The following PWP1 variants were observed in gnomAD, a reference collection of about 807,000 sequenced individuals.
The protein encoded by PWP1 is PWP1 homolog, endonuclein, also known as periodic tryptophan protein 1 homolog.
A neutral mutation model predicts 69.9 loss-of-function variants in PWP1; 47 were observed. That is an observed-to-expected ratio of 0.67 (90% confidence interval 0.53 to 0.86). The LOEUF (loss-of-function observed/expected upper bound fraction) is 0.86, where lower values mean the gene tolerates loss of function less well. Ranked by LOEUF, PWP1 falls within the 40% of genes least tolerant of loss-of-function variation. The pLI, the probability that PWP1 is intolerant of heterozygous loss-of-function variation, is 0.00. For synonymous variants in PWP1, 222 were observed against 208.2 expected (o/e 1.07, Z -0.57); for missense variants, 551 against 608.8 (o/e 0.91, Z 1.00).
intron 6 of PWP1, 125 bp downstream of exon 6, chr12:107,696,709 A>AT: frequency 6.9e-7 from 1 of 1,439,120 alleles, no homozygotes; most frequent in Non-Finnish European, 9.3e-7. Context: ...AGTTACTGTT[A>AT]TTTTATGAAG....
rs1376610749 is a variant in PWP1 at position 107,699,351 on chromosome 12, A to G, written c.745-22A>G. 2.5e-6 allele frequency: 4 copies of G among 1,590,398 alleles called. No individual in the cohort carries two copies. In the South Asian group the frequency reaches 3.4e-5, roughly 13 times the overall value. ...TATGAGGGGGACTTTAATACAAAAA[A>G]TAATTAAAACAATTATTACAGAGTT... On this transcript the variant is annotated intron_variant, in intron 7 of 14. Transcript: ENST00000412830.
chr12:107,689,676 G>T (rs1889443288), intron 3 of PWP1, among the ~76,000 whole-genome samples: 1 of 152,182 alleles, frequency 6.6e-6, no homozygotes. Context: ...AACCTGGGAG[G>T]CGGAGGTTGC....
chr12:107,688,862 G>A (rs1889427950), intron 3 of PWP1, 60 bp downstream of exon 3: 19 of 1,500,954 alleles, frequency 1.3e-5, no homozygotes, highest in Admixed American at 5.8e-5. Flanking sequence ...GATCATGTTT[G>A]TGGTGTTCCA....
chr12:107,688,601 T>C lies in PWP1; in HGVS notation c.132-14T>C. ...AGCATTTGGGTGATTCTCTTTTTCT[T>C]TCTGTGCTCATAGAGAAGAAGGTGG... On this transcript the variant is annotated splice_polypyrimidine_tract_variant and intron_variant, in intron 2 of 14. Transcript: ENST00000412830. 6.2e-7 allele frequency: 1 copy of C among 1,612,374 alleles called. No homozygotes were observed. Among genetic ancestry groups the C allele is most frequent in the Non-Finnish European group, 8.5e-7 (1 of 1,178,608 alleles).
chr12:107,695,135 G>A (rs904390285), intron 5 of PWP1, among the ~76,000 whole-genome samples: 13 of 151,644 alleles, frequency 8.6e-5, no homozygotes, highest in East Asian at 3.9e-4. Flanking sequence ...GCGTGGTGGC[G>A]GGCGCCTGTA....
intron 3 of PWP1, among the ~76,000 whole-genome samples, chr12:107,690,996 G>A (rs1450481991): frequency 6.6e-6 from 1 of 152,198 alleles, no homozygotes; most frequent in Non-Finnish European, 1.5e-5. Context: ...ACAACAGACA[G>A]GCAATGAGAA....
intron 1 of PWP1, among the ~76,000 whole-genome samples, chr12:107,687,438 C>T (rs1415703585): frequency 6.6e-6 from 1 of 152,174 alleles, no homozygotes; most frequent in Admixed American, 6.5e-5. Flanking sequence ...GTTTATGTCC[C>T]ACTCCCAAGT....
chr12:107,695,265 C>CAA (rs564258184), intron 5 of PWP1, among the ~76,000 whole-genome samples: 8 of 141,930 alleles, frequency 5.6e-5, no homozygotes, highest in African/African-American at 1.8e-4. Context: ...GACTCCATCT[C>CAA]AAAAAAAAAA....
At chr12:107,706,470 A>G (rs1380194863) in intron 11 of PWP1, among the ~76,000 whole-genome samples, 2 of 152,226 alleles carry the variant, frequency 1.3e-5, no homozygotes, top group African/African-American at 4.8e-5. Flanking sequence ...GTCCTTGTCC[A>G]TGCCTATGTC....
Position 107,709,133 on chromosome 12 carries a change from C to G in PWP1, c.1191C>G (p.Ile397Met). Residue 397 changes from isoleucine (I) to methionine (M), a missense_variant, in exon 13 of 15, where the codon ATC becomes ATG. Coordinates refer to ENST00000412830, the MANE Select transcript of PWP1 (RefSeq NM_007062.3). Reference sequence around the variant, plus strand: ...TAGGTCTTGATCTTAGCAGTCAAATCAAGGGCTGTCTCGTGACTGCTTCAG... The same window carrying G: ...TAGGTCTTGATCTTAGCAGTCAAATGAAGGGCTGTCTCGTGACTGCTTCAG... ...EISGLDLSSQ[I>M]KGCLVTASAD... 2 of 1,613,942 alleles carry G rather than the reference C, an allele frequency of 1.2e-6. No homozygotes were observed. Among genetic ancestry groups the G allele is most frequent in the South Asian group, 1.1e-5 (1 of 91,076 alleles).
Position 107,709,159 on chromosome 12 carries a change from C to G in PWP1, c.1217C>G (p.Ala406Gly), listed in dbSNP as rs376470703. 6.2e-7 allele frequency: 1 copy of G among 1,613,822 alleles called. No homozygotes were observed. The highest frequency in any genetic ancestry group is 8.5e-7 in the Non-Finnish European group (1 of 1,179,886). The change falls in exon 13 of 15, where the codon GCT becomes GGT. Residue 406 changes from alanine (A) to glycine (G), a missense_variant. Coordinates refer to ENST00000412830, the MANE Select transcript of PWP1 (RefSeq NM_007062.3). ...AAGGGCTGTCTCGTGACTGCTTCAGCTGACAAATACGTGAAGATCTGGGAC... is the reference window on the plus strand; with the variant it reads ...AAGGGCTGTCTCGTGACTGCTTCAGGTGACAAATACGTGAAGATCTGGGAC... Reference protein sequence around the residue: ...QIKGCLVTASADKYVKIWDIL... With the variant: ...QIKGCLVTASGDKYVKIWDIL...
At chr12:107,702,009 A>G (rs1223194986) in intron 8 of PWP1, among the ~76,000 whole-genome samples, 2 of 152,132 alleles carry the variant, frequency 1.3e-5, no homozygotes, top group Non-Finnish European at 2.9e-5. Flanking sequence ...CCCATTGAAC[A>G]TTTAATTACC....
chr12:107,686,171 C>A, intron 1 of PWP1, 200 bp downstream of exon 1: 1 of 616,856 alleles, frequency 1.6e-6, no homozygotes, highest in Non-Finnish European at 2.9e-6. Flanking sequence ...AGTCAAGGGC[C>A]GCGCCTTCTC....
At chr12:107,704,615 A>T in intron 10 of PWP1, 21 bp from the exon 11 acceptor site, 1 of 1,589,784 alleles carries the variant, frequency 6.3e-7, no homozygotes, top group Admixed American at 1.7e-5. Flanking sequence ...TAAAACCCTA[A>T]CTTTGCCTGA....
At chr12:107,686,819 A>T (rs1022309966) in intron 1 of PWP1, among the ~76,000 whole-genome samples, 1 of 152,016 alleles carries the variant, frequency 6.6e-6, no homozygotes, top group Non-Finnish European at 1.5e-5. Context: ...ACAAAAAATT[A>T]GCCGGGTGTG....
chr12:107,688,549 G>A, intron 2 of PWP1, 43 bp downstream of exon 2: 1 of 1,610,656 alleles, frequency 6.2e-7, no homozygotes, highest in South Asian at 1.1e-5. Flanking sequence ...AAATGATGAT[G>A]ACCATGTGGT....
chr12:107,686,859 G>A (rs961946661), intron 1 of PWP1, among the ~76,000 whole-genome samples: 10 of 151,604 alleles, frequency 6.6e-5, no homozygotes, highest in Non-Finnish European at 1.0e-4. Context: ...CCAGCTACTC[G>A]GGAGGCTGAG....
chr12:107,704,849 G>A, intron 11 of PWP1, 102 bp downstream of exon 11: 1 of 958,928 alleles, frequency 1.0e-6, no homozygotes, highest in Non-Finnish European at 1.6e-6. Flanking sequence ...TGTTTTAACA[G>A]TATGAAGTAT....
At chr12:107,700,911 T>A (rs1889697418) in intron 8 of PWP1, among the ~76,000 whole-genome samples, 1 of 152,138 alleles carries the variant, frequency 6.6e-6, no homozygotes. Flanking sequence ...CCCCTTTTTT[T>A]AAGGTAAGAT....
Sources: allele counts gnomAD v4.1 joint callset (sites outside exome capture counted in the v4.1 genomes callset), GRCh38; gene constraint gnomAD v4.1.1; transcripts MANE v1.5; gene names NCBI Gene and HGNC (gene_info 2026-07-23, HGNC 2026-07-21).